COL5A1: variants seen among roughly 807,000 people sequenced by gnomAD.
The protein encoded by COL5A1 is collagen type V alpha 1 chain, also known as collagen alpha-1(V) chain.
COL5A1 carries 16 observed loss-of-function variants against 263.7 expected under a neutral mutation model. The observed-to-expected ratio is 0.06, with a 90% CI of 0.04 to 0.09. The LOEUF (loss-of-function observed/expected upper bound fraction) is 0.09, where lower values mean the gene tolerates loss of function less well. COL5A1 is among the 10% of genes least tolerant of loss of function. The pLI is 1.00. For missense variants in COL5A1, 2,036 were observed against 2,540.5 expected (o/e 0.80, Z 4.27); for synonymous variants, 1,012 against 1,004.5 (o/e 1.01, Z -0.14).
At chr9:134,644,963 A>G (rs1025090975) in intron 1 of COL5A1, among the ~76,000 whole-genome samples, 10 of 152,124 alleles carry the variant, frequency 6.6e-5, no homozygotes, top group Non-Finnish European at 1.3e-4. Context: ...ATCCTTTTCC[A>G]TCCTCTGCCC....
intron 64 of COL5A1, among the ~76,000 whole-genome samples, chr9:134,832,214 T>C (rs1026087977): frequency 6.6e-6 from 1 of 152,152 alleles, no homozygotes; most frequent in Admixed American, 6.5e-5. Context: ...AAGACCAGCC[T>C]GGCCAACGTG....
Position 134,758,451 on chromosome 9 carries a change from G to A in COL5A1, c.1935+155G>A, listed in dbSNP as rs1420080349. On this transcript the variant is annotated intron_variant, in intron 18 of 65. Coordinates refer to ENST00000371817, the MANE Select transcript of COL5A1 (RefSeq NM_000093.5). The surrounding 1 kb of genome is among the most constrained non-coding windows in gnomAD (Gnocchi z 4.1). ...TACAAACCTCACGGGAGTCAGCAAT[G>A]GCAGTGAGCCCCAAGATGATGTCTT... Among the ~76,000 whole-genome samples, 1 of 152,146 alleles carries A rather than the reference G, an allele frequency of 6.6e-6. No individual in the cohort carries two copies. Among genetic ancestry groups the A allele is most frequent in the Non-Finnish European group, 1.5e-5 (1 of 68,018 alleles).
intron 5 of COL5A1, 82 bp from the exon 6 acceptor site, chr9:134,728,588 T>C: frequency 6.3e-7 from 1 of 1,597,504 alleles, no homozygotes; most frequent in Non-Finnish European, 8.6e-7. Context: ...CGTGCAGATC[T>C]GGAGGTTGCG....
chr9:134,820,930 C>T (rs140663579), intron 58 of COL5A1, among the ~76,000 whole-genome samples: 3 of 152,270 alleles, frequency 2.0e-5, no homozygotes, highest in East Asian at 1.9e-4. Flanking sequence ...TGCCCACCCA[C>T]GCCCATGCCT....
At chr9:134,715,319 G>C (rs942569608) in intron 4 of COL5A1, among the ~76,000 whole-genome samples, 1 of 152,142 alleles carries the variant, frequency 6.6e-6, no homozygotes, top group Non-Finnish European at 1.5e-5. Context: ...GCCCTAAGGC[G>C]GTTTTCCTCT....
intron 2 of COL5A1, among the ~76,000 whole-genome samples, chr9:134,692,484 G>A (rs1020718542): frequency 6.6e-6 from 1 of 152,140 alleles, no homozygotes; most frequent in Non-Finnish European, 1.5e-5. Context: ...CATGACCCCC[G>A]GTTTAGAATT....
intron 65 of COL5A1, among the ~76,000 whole-genome samples, chr9:134,839,972 C>A (rs554219247): frequency 1.1e-3 from 165 of 152,386 alleles, no homozygotes; most frequent in African/African-American, 3.7e-3. Flanking sequence ...GTGCCGTCTG[C>A]CCCACACTCG....
At chr9:134,827,123 T>G (rs188056781) in intron 63 of COL5A1, among the ~76,000 whole-genome samples, 1 of 152,194 alleles carries the variant, frequency 6.6e-6, no homozygotes, top group Non-Finnish European at 1.5e-5. Context: ...CGGTTTGCTG[T>G]GCAGGTCCAG....
chr9:134,752,419 CGG>C lies in COL5A1; in HGVS notation c.1663-159_1663-158del, dbSNP rs11386016. Among the ~76,000 whole-genome samples, 13,927 of 140,032 alleles carry C rather than the reference CGG, an allele frequency of 0.099. 847 individuals carry two copies. Among genetic ancestry groups the C allele is most frequent in the East Asian group, 0.23 (1,128 of 4,804 alleles). 91.9% of individuals were successfully genotyped at this position (140,032 alleles called of 152,430 possible). On this transcript the variant is annotated intron_variant, in intron 13 of 65. Transcript: ENST00000371817. ...TGGATGCTGAGAGCCCCATCGAAGT[CGG>C]GGGGGGGGGGCCCTTGGGGAGTCAT...
intron 4 of COL5A1, among the ~76,000 whole-genome samples, chr9:134,702,403 T>C (rs1833706175): frequency 6.6e-6 from 1 of 152,088 alleles, no homozygotes. Flanking sequence ...CGTGAGCTCC[T>C]GGCTGTGTCT....
intron 52 of COL5A1, 112 bp downstream of exon 52, chr9:134,816,100 T>C: frequency 2.2e-6 from 2 of 923,500 alleles, no homozygotes; most frequent in Non-Finnish European, 3.6e-6. Flanking sequence ...TGATATTGAT[T>C]CCTTTATGAT....
In COL5A1 at chr9:134,812,496, C is replaced by A. The variant is rs762055489; in HGVS notation, c.3738C>A (p.Gly1246=). 2 of 1,614,060 alleles carry A rather than the reference C, an allele frequency of 1.2e-6. No homozygotes were observed. Among genetic ancestry groups the A allele is most frequent in the Admixed American group, 3.3e-5 (2 of 60,022 alleles). Residue 1246 remains glycine, a synonymous_variant, in exon 47 of 66, where the codon GGC becomes GGA. Transcript: ENST00000371817. ...PGEKGETGDV[G]QMGPPGPPGP... is the part of the protein sequence containing the mutation. ...AGAAGGGTGAGACAGGAGACGTGGG[C>A]CAGATGGTAAGTGTGCCTGAGACTC...
chr9:134,789,615 C>T lies in COL5A1; in HGVS notation c.2700+407C>T, dbSNP rs1017070362. ...CAAAAATGTCCTGCTACTTAACCGT[C>T]GTCCAAATTTAAAGTCATTTAAATT... is the stretch of plus-strand genomic sequence containing the variant. On this transcript the variant is annotated intron_variant, in intron 32 of 65. Transcript: ENST00000371817. This position sits in a 1 kb window ranked among gnomAD's most constrained non-coding sequence, Gnocchi z 4.8. Among the ~76,000 whole-genome samples, 2 of 152,300 alleles carry T rather than the reference C, an allele frequency of 1.3e-5. No individual in the cohort carries two copies. The highest frequency in any genetic ancestry group is 2.1e-4 in the South Asian group (1 of 4,824).
At chr9:134,824,466 G>C (rs1839168018) in intron 61 of COL5A1, 134 bp from the exon 62 acceptor site, 1 of 1,076,390 alleles carries the variant, frequency 9.3e-7, no homozygotes, top group Admixed American at 2.1e-5. Context: ...AAGGCGGACA[G>C]ATGTCCATGT....
At chr9:134,711,833 T>C (rs959685127) in intron 4 of COL5A1, among the ~76,000 whole-genome samples, 3 of 152,000 alleles carry the variant, frequency 2.0e-5, no homozygotes, top group Non-Finnish European at 4.4e-5. Context: ...CTGTGTCCCC[T>C]TTCAGCGTCT....
At position 134,727,161 on chromosome 9, in the gene COL5A1, C is replaced by A. The variant is rs866237756; in HGVS notation, c.655-105C>A. 9.3e-5 allele frequency: 114 copies of A among 1,220,880 alleles called. No individual in the cohort carries two copies. The African/African-American group carries it at 1.6e-3, about 17-fold the overall frequency. The allele number at this position is 1,220,880 out of a possible 1,614,324, so 75.6% of individuals were successfully genotyped here. ...CTCTGAGGACAAGCTCGTCTTGTGG[C>A]TTGGTCTGGACTTTCCCCTGCTTCA... On this transcript the variant is annotated intron_variant, in intron 4 of 65. Transcript: ENST00000371817.
At position 134,809,438 on chromosome 9, in the gene COL5A1, A is replaced by G; in HGVS notation, c.3474+148A>G. ...ACACCCACCCCGCAGTCCTGGCATT[A>G]GGGGATGATTTCACAGCAGCCCACT... On this transcript the variant is annotated intron_variant, in intron 43 of 65. Coordinates refer to ENST00000371817, the MANE Select transcript of COL5A1 (RefSeq NM_000093.5). 3 of 713,374 alleles carry G rather than the reference A, an allele frequency of 4.2e-6. No homozygotes were observed. In the South Asian group the frequency reaches 4.6e-5, roughly 11 times the overall value. 44.2% of individuals were successfully genotyped at this position (713,374 alleles called of 1,614,324 possible).
In COL5A1 at chr9:134,746,176, A is replaced by G. The variant is rs192782664; in HGVS notation, c.1495-4366A>G. Among the ~76,000 whole-genome samples the G allele has an allele frequency of 1.9e-3, 295 of 152,278 alleles. 1 individual carries two copies. Among genetic ancestry groups the G allele is most frequent in the African/African-American group, 6.9e-3 (285 of 41,554 alleles). Reference sequence around the variant, plus strand: ...GCACAGCCAGGAGATGTCCAGCAGGAAGTGACCACTGAGAGCTTCTCCCAG... The same window carrying G: ...GCACAGCCAGGAGATGTCCAGCAGGGAGTGACCACTGAGAGCTTCTCCCAG... On this transcript the variant is annotated intron_variant, in intron 11 of 65. Transcript: ENST00000371817.
intron 1 of COL5A1, chr9:134,649,675 A>G (rs1831603049): frequency 2.6e-6 from 1 of 382,776 alleles, no homozygotes; most frequent in Non-Finnish European, 5.0e-6. Flanking sequence ...TGGTGATCCC[A>G]TTACTGGGTA....
Sources: gnomAD v4.1 joint callset for allele counts (sites outside exome capture counted in the v4.1 genomes callset) on GRCh38, gnomAD v4.1.1 for gene constraint, Gnocchi (gnomAD v3.1) non-coding constraint, MANE v1.5 for transcripts, NCBI Gene and HGNC (gene_info 2026-07-23, HGNC 2026-07-21) for gene names.